MDGA2: variants seen among roughly 807,000 people sequenced by gnomAD.
MDGA2 encodes MAM domain-containing glycosylphosphatidylinositol anchor protein 2.
Under a neutral mutation model 117.8 loss-of-function variants are expected in MDGA2, and 40 were observed. The ratio of observed to expected loss-of-function variants is 0.34; its 90% CI spans 0.26 to 0.44. The LOEUF (loss-of-function observed/expected upper bound fraction) is 0.44. Ranked by LOEUF, MDGA2 falls within the 20% of genes least tolerant of loss-of-function variation. The pLI is 1.00. For synonymous variants in MDGA2, 452 were observed against 439.0 expected (o/e 1.03, Z -0.37); for missense variants, 1,123 against 1,250.6 (o/e 0.90, Z 1.54).
At chr14:47,039,314 T>C (rs1236547610) in intron 7 of MDGA2, among the ~76,000 whole-genome samples, 1 of 152,242 alleles carries the variant, frequency 6.6e-6, no homozygotes, top group Non-Finnish European at 1.5e-5. Flanking sequence ...TTCCATCTAT[T>C]AATTGAAAAC....
intron 6 of MDGA2, among the ~76,000 whole-genome samples, chr14:47,067,138 C>A (rs562211611): frequency 6.6e-6 from 1 of 152,198 alleles, no homozygotes; most frequent in African/African-American, 2.4e-5. Context: ...AAACAACCAA[C>A]CAAAGTGTAA....
chr14:46,869,348 ATTC>A (rs1443786776), intron 14 of MDGA2, among the ~76,000 whole-genome samples: 2 of 120,860 alleles, frequency 1.7e-5, no homozygotes, highest in Non-Finnish European at 3.3e-5. Flanking sequence ...CTCCTATGAG[ATTC>A]TTTTTTTTTT....
chr14:47,636,365 A>C (rs1897321192), intron 1 of MDGA2, among the ~76,000 whole-genome samples: 1 of 152,222 alleles, frequency 6.6e-6, no homozygotes, highest in African/African-American at 2.4e-5. Context: ...ATGCAAATGA[A>C]GAAGGCAGTT....
chr14:46,870,708 C>T (rs915150189), intron 14 of MDGA2, among the ~76,000 whole-genome samples: 2 of 152,072 alleles, frequency 1.3e-5, no homozygotes, highest in Non-Finnish European at 2.9e-5. Context: ...GGAGAACTGT[C>T]CTCCTAATTT....
chr14:47,061,135 T>G (rs115103707), intron 7 of MDGA2, 114 bp downstream of exon 7: 1 of 935,976 alleles, frequency 1.1e-6, no homozygotes, highest in Non-Finnish European at 1.6e-6. Context: ...TATAATTTTG[T>G]TTTTAGGAAA....
At chr14:46,971,686 T>A (rs547466927) in intron 8 of MDGA2, among the ~76,000 whole-genome samples, 1 of 152,016 alleles carries the variant, frequency 6.6e-6, no homozygotes, top group East Asian at 1.9e-4. Context: ...TATTATATAA[T>A]AAAAATAGCT....
intron 1 of MDGA2, among the ~76,000 whole-genome samples, chr14:47,328,871 T>C (rs867529427): frequency 8.0e-4 from 121 of 152,186 alleles, no homozygotes; most frequent in Non-Finnish European, 4.3e-4. Context: ...TATAAGTGTT[T>C]TGGAAGGCAC....
chr14:47,242,485 G>A (rs548027507), intron 2 of MDGA2, among the ~76,000 whole-genome samples: 24 of 151,950 alleles, frequency 1.6e-4, no homozygotes, highest in African/African-American at 5.1e-4. Context: ...TGGCGCTTGC[G>A]GGGCAGCTGG....
rs1378271779 is a variant in MDGA2, at chr14:47,561,154, T to TG, written c.280+113362_280+113363insC. Among the ~76,000 whole-genome samples the TG allele has an allele frequency of 7.3e-3, 285 of 39,268 alleles. 21 individuals carry two copies. The highest frequency in any genetic ancestry group is 0.017 in the African/African-American group (272 of 16,214). The allele number at this position is 39,268 out of a possible 152,430, so 25.8% of individuals were successfully genotyped here. On this transcript the variant is annotated intron_variant, in intron 1 of 16. Coordinates refer to ENST00000399232, the MANE Select transcript of MDGA2 (RefSeq NM_001113498.3). Reference sequence around the variant, plus strand: ...ACCTCTATCTTTGTTTTTTTTTTTGTTTTGTTTTGTTTTTTTGTTTGTTTG... The same window carrying TG: ...ACCTCTATCTTTGTTTTTTTTTTTGTGTTTGTTTTGTTTTTTTGTTTGTTTG...
intron 2 of MDGA2, among the ~76,000 whole-genome samples, chr14:47,222,634 C>T (rs2139532201): frequency 6.6e-6 from 1 of 152,078 alleles, no homozygotes; most frequent in Non-Finnish European, 1.5e-5. Flanking sequence ...CATCTATCCA[C>T]AAGGTAATTT....
chr14:47,586,947 G>T (rs1896336034), intron 1 of MDGA2, among the ~76,000 whole-genome samples: 1 of 151,908 alleles, frequency 6.6e-6, no homozygotes, highest in African/African-American at 2.4e-5. Context: ...TTCTTTCAGA[G>T]GTCAGTACCT....
At chr14:47,257,901 T>C (rs1887675839) in intron 2 of MDGA2, among the ~76,000 whole-genome samples, 1 of 152,154 alleles carries the variant, frequency 6.6e-6, no homozygotes, top group South Asian at 2.1e-4. Context: ...TATTTTTTTA[T>C]TGACATCTAA....
intron 1 of MDGA2, among the ~76,000 whole-genome samples, chr14:47,426,307 A>G (rs1892688180): frequency 6.6e-6 from 1 of 151,880 alleles, no homozygotes; most frequent in Non-Finnish European, 1.5e-5. Context: ...TTTTACTTCT[A>G]TTATTATTTA....
In MDGA2 at chr14:47,455,492, C is replaced by T. The variant is rs538693729; in HGVS notation, c.281-153942G>A. On this transcript the variant is annotated intron_variant, in intron 1 of 16. Coordinates refer to ENST00000399232, the MANE Select transcript of MDGA2 (RefSeq NM_001113498.3). ...CTTTACTCCAGCCAGGATGACACAG[C>T]AAGACTCTGTCTCAAAAAAGCATAG... is the stretch of plus-strand genomic sequence containing the variant. Among the ~76,000 whole-genome samples, 3 of 151,844 alleles carry T rather than the reference C, an allele frequency of 2.0e-5. No homozygotes were observed. The East Asian group carries it at 5.8e-4, about 30-fold the overall frequency.
At chr14:47,404,513 G>A (rs1892222148) in intron 1 of MDGA2, among the ~76,000 whole-genome samples, 1 of 150,662 alleles carries the variant, frequency 6.6e-6, no homozygotes, top group Non-Finnish European at 1.5e-5. Flanking sequence ...AAAAAAAATT[G>A]AGACAGGGTC....
In MDGA2 at chr14:46,930,801, T is replaced by C. The variant is rs898498643; in HGVS notation, c.2090-10641A>G. On this transcript the variant is annotated intron_variant, in intron 9 of 16. Coordinates refer to ENST00000399232, the MANE Select transcript of MDGA2 (RefSeq NM_001113498.3). Reference sequence around the variant, plus strand: ...CAATAGTTAATTGTCTTAATTTATCTTCCTGTTTTTTAAATAAATTATAAG... The same window carrying C: ...CAATAGTTAATTGTCTTAATTTATCCTCCTGTTTTTTAAATAAATTATAAG... Among the ~76,000 whole-genome samples, 9 of 152,186 alleles carry C rather than the reference T, an allele frequency of 5.9e-5. 1 individual carries two copies. The highest frequency in any genetic ancestry group is 3.3e-4 in the Admixed American group (5 of 15,282).
intron 8 of MDGA2, among the ~76,000 whole-genome samples, chr14:46,990,007 C>A (rs1423636523): frequency 2.6e-5 from 4 of 152,180 alleles, no homozygotes; most frequent in Non-Finnish European, 5.9e-5. Flanking sequence ...ATAGGACAGG[C>A]TGTCACTAAA....
At chr14:47,606,895 A>C (rs1896753132) in intron 1 of MDGA2, among the ~76,000 whole-genome samples, 1 of 152,166 alleles carries the variant, frequency 6.6e-6, no homozygotes, top group Non-Finnish European at 1.5e-5. Context: ...TTAATGAGTA[A>C]TACAAAAAAT....
chr14:47,214,285 T>C (rs956158090), intron 3 of MDGA2, among the ~76,000 whole-genome samples: 1 of 152,100 alleles, frequency 6.6e-6, no homozygotes, highest in Non-Finnish European at 1.5e-5. Context: ...CAGAAATATT[T>C]GCATAAATAA....
Sources: gnomAD v4.1 joint callset for allele counts (sites outside exome capture counted in the v4.1 genomes callset) on GRCh38, gnomAD v4.1.1 for gene constraint, MANE v1.5 for transcripts, NCBI Gene and HGNC (gene_info 2026-07-23, HGNC 2026-07-21) for gene names.